The following RPTOR variants were observed in gnomAD, a reference collection of about 807,000 sequenced individuals.
RPTOR encodes regulatory associated protein of MTOR complex 1, also known as regulatory-associated protein of mTOR.
A neutral mutation model predicts 169.9 loss-of-function variants in RPTOR; 21 were observed. The ratio of observed to expected loss-of-function variants is 0.12; its 90% confidence interval spans 0.09 to 0.18. The LOEUF is 0.18. Among genes scored for constraint, RPTOR ranks in the 10% least tolerant of loss-of-function variants. The pLI is 1.00. For missense variants in RPTOR, 1,133 were observed against 1,855.9 expected, an observed-to-expected ratio of 0.61 and a Z score of 7.16; for synonymous variants, 732 against 753.2, an observed-to-expected ratio of 0.97 and a Z score of 0.46.
chr17:80,745,154 C>T (rs775420180), intron 5 of RPTOR, among the ~76,000 whole-genome samples: 10 of 152,214 alleles, frequency 6.6e-5, no homozygotes, highest in Non-Finnish European at 1.3e-4. Flanking sequence ...CCAGTATCTC[C>T]TTTAGTTGAC....
intron 1 of RPTOR, among the ~76,000 whole-genome samples, chr17:80,555,003 C>T (rs754072524): frequency 9.2e-5 from 14 of 152,162 alleles, no homozygotes; most frequent in South Asian, 2.1e-4. Flanking sequence ...ACCTTCAATA[C>T]GGAAAATGTT....
chr17:80,891,844 C>T lies in RPTOR; in HGVS notation c.2101+7C>T, dbSNP rs377125660. 5.0e-6 allele frequency: 8 copies of T among 1,587,582 alleles called. No homozygotes were observed. Among genetic ancestry groups the T allele is most frequent in the African/African-American group, 1.3e-5 (1 of 74,220 alleles). ...CCTTCTCCAGCAACCACAGGTATGG[C>T]GTCTTCTCCTGTGAACCCGCAGAGC... On this transcript the variant is annotated splice_region_variant and intron_variant, in intron 18 of 33. Transcript: ENST00000306801.
intron 3 of RPTOR, among the ~76,000 whole-genome samples, chr17:80,683,105 G>A (rs373655179): frequency 6.6e-6 from 1 of 152,194 alleles, no homozygotes. Context: ...TCAGCTGATC[G>A]AATTCATTTC....
At chr17:80,924,325 G>GCACCCAGCA (rs1331657238) in intron 23 of RPTOR, among the ~76,000 whole-genome samples, 1 of 152,082 alleles carries the variant, frequency 6.6e-6, no homozygotes, top group Non-Finnish European at 1.5e-5. Context: ...GGTTCAGGGC[G>GCACCCAGCA]CACCCAGCAC....
intron 1 of RPTOR, among the ~76,000 whole-genome samples, chr17:80,589,267 G>T (rs1332811894): frequency 6.6e-6 from 1 of 152,126 alleles, no homozygotes; most frequent in Non-Finnish European, 1.5e-5. Context: ...GTCTTTGCGG[G>T]AACTAAGGGC....
chr17:80,603,110 C>T (rs2065202728), intron 1 of RPTOR, among the ~76,000 whole-genome samples: 1 of 152,202 alleles, frequency 6.6e-6, no homozygotes, highest in Non-Finnish European at 1.5e-5. Flanking sequence ...TCTCCCTCAT[C>T]ATGCTGTTTA....
chr17:80,877,170 C>T (rs1964549235), intron 13 of RPTOR, among the ~76,000 whole-genome samples: 1 of 152,220 alleles, frequency 6.6e-6, no homozygotes, highest in South Asian at 2.1e-4. Context: ...TTCTGTTTAA[C>T]GAGGCCCTTG....
chr17:80,689,773 T>A (rs1031091382), intron 3 of RPTOR, among the ~76,000 whole-genome samples: 1 of 152,254 alleles, frequency 6.6e-6, no homozygotes, highest in African/African-American at 2.4e-5. Context: ...TGTTCATTTT[T>A]AAAATTTTTG....
chr17:80,838,470 G>A (rs2143676215), intron 10 of RPTOR, among the ~76,000 whole-genome samples: 1 of 152,336 alleles, frequency 6.6e-6, no homozygotes, highest in Middle Eastern at 3.4e-3. Flanking sequence ...GGGTTTAGTC[G>A]CCGCACCTGC....
chr17:80,646,094 A>G lies in RPTOR; in HGVS notation c.348+2284A>G, dbSNP rs1336297649. Among the ~76,000 whole-genome samples the G allele has an allele frequency of 1.3e-5, 2 of 152,222 alleles. No individual in the cohort carries two copies. Among genetic ancestry groups the G allele is most frequent in the African/African-American group, 4.8e-5 (2 of 41,454 alleles). ...GTTTATAAAGTGGAATCTGGAATAA[A>G]GTATCCGCTGCAGCCTAGAAGGAAG... On this transcript the variant is annotated intron_variant, in intron 3 of 33. Coordinates refer to ENST00000306801, the MANE Select transcript of RPTOR (RefSeq NM_020761.3). This position sits in a 1 kb window ranked among gnomAD's most constrained non-coding sequence, Gnocchi z 5.0.
intron 6 of RPTOR, among the ~76,000 whole-genome samples, chr17:80,762,025 C>T (rs2066741436): frequency 6.6e-6 from 1 of 152,208 alleles, no homozygotes; most frequent in South Asian, 2.1e-4. Flanking sequence ...ACAGTCCCCG[C>T]GGCAGCTTCC....
At chr17:80,864,094 G>A (rs757113255) in intron 13 of RPTOR, among the ~76,000 whole-genome samples, 5 of 152,208 alleles carry the variant, frequency 3.3e-5, no homozygotes, top group Admixed American at 3.3e-4. Flanking sequence ...AGAAACAATA[G>A]CTAACATTTT....
chr17:80,666,457 C>T (rs983349907), intron 3 of RPTOR, among the ~76,000 whole-genome samples: 2 of 152,080 alleles, frequency 1.3e-5, no homozygotes, highest in South Asian at 2.1e-4. Flanking sequence ...AAACAAGTGA[C>T]CCGGAATCTA....
chr17:80,565,075 C>T (rs12601815), intron 1 of RPTOR, among the ~76,000 whole-genome samples: 24,956 of 152,142 alleles, frequency 0.16, 2,333 homozygotes, highest in East Asian at 0.27. Context: ...AGTAGTGCTG[C>T]AGTGAACATA....
intron 21 of RPTOR, among the ~76,000 whole-genome samples, chr17:80,919,011 A>C (rs1463607038): frequency 6.6e-6 from 1 of 152,148 alleles, no homozygotes; most frequent in African/African-American, 2.4e-5. Flanking sequence ...GGAGGGAAGG[A>C]GCTGGTGGGC....
chr17:80,965,452 T>G lies in RPTOR; in HGVS notation c.*1122T>G, dbSNP rs867774926. 2 of 233,248 alleles carry G rather than the reference T, an allele frequency of 8.6e-6. No individual in the cohort carries two copies. The highest frequency in any genetic ancestry group is 5.6e-5 in the Admixed American group (1 of 17,808). 14.4% of individuals were successfully genotyped at this position (233,248 alleles called of 1,614,324 possible). A position where few individuals can be genotyped will look rare whatever the true frequency, so the allele number is the denominator to read the frequency against. ...GTGCAGACAGGAGCTGTGTGGACAG[T>G]CCCGCCCAGGAGGGGCCGCAGGGCG... On this transcript the variant is annotated 3_prime_UTR_variant, in exon 34 of 34. Transcript: ENST00000306801.
chr17:80,874,969 A>G (rs143422107), intron 13 of RPTOR, among the ~76,000 whole-genome samples: 381 of 152,328 alleles, frequency 2.5e-3, no homozygotes, highest in African/African-American at 8.8e-3. Flanking sequence ...GTCAGAACGC[A>G]CGTGGTAGGG....
intron 21 of RPTOR, among the ~76,000 whole-genome samples, chr17:80,912,933 AG>A (rs1254473901): frequency 1.3e-5 from 2 of 152,180 alleles, no homozygotes; most frequent in African/African-American, 4.8e-5. Context: ...GGGGTGGAGA[AG>A]GTCAAGAGAA....
Position 80,925,465 on chromosome 17 carries a change from C to A in RPTOR, c.2904C>A (p.Ala968=). 4 of 1,613,434 alleles carry A rather than the reference C, an allele frequency of 2.5e-6. No individual in the cohort carries two copies. The highest frequency in any genetic ancestry group is 3.4e-6 in the Non-Finnish European group (4 of 1,179,986). Residue 968 remains alanine (A), a synonymous_variant, in exon 24 of 34, where the codon GCC becomes GCA. Transcript: ENST00000306801. ...GCGACTGGAGCGCCCGCTATTTTGCCCAGCCCGTCATGAAGGTGCGCCCGG... is the reference window on the plus strand; with the variant it reads ...GCGACTGGAGCGCCCGCTATTTTGCACAGCCCGTCATGAAGGTGCGCCCGG... ...GFCDWSARYF[A]QPVMKIPEEH...
Sources: allele counts gnomAD v4.1 joint callset (sites outside exome capture counted in the v4.1 genomes callset), GRCh38; gene constraint gnomAD v4.1.1; non-coding constraint Gnocchi (gnomAD v3.1); transcripts MANE v1.5; gene names NCBI Gene and HGNC (gene_info 2026-07-23, HGNC 2026-07-21).